EBF1: variants seen among roughly 807,000 people sequenced by gnomAD.
EBF1 encodes transcription factor COE1.
In EBF1, 10 loss-of-function variants were observed where a neutral mutation model predicts 68.4. That is an observed-to-expected ratio of 0.15 (90% CI 0.09 to 0.25). The LOEUF is 0.25. Among genes scored for constraint, EBF1 ranks in the 10% least tolerant of loss-of-function variants. The probability of loss-of-function intolerance (pLI) is 1.00; values close to 1 mark genes in which losing one functional copy is unlikely to be tolerated. For synonymous variants in EBF1, 298 were observed against 299.8 expected (o/e 0.99, Z 0.06); for missense variants, 509 against 794.4 (o/e 0.64, Z 4.32).
intron 8 of EBF1, among the ~76,000 whole-genome samples, chr5:158,821,768 T>A (rs1204201757): frequency 6.6e-6 from 1 of 152,174 alleles, no homozygotes; most frequent in Admixed American, 6.5e-5. Context: ...AGGAATGTAA[T>A]CATGAGCAGG....
Position 158,745,257 on chromosome 5 carries a change from T to G in EBF1, c.1037-14100A>C, listed in dbSNP as rs1441740770. Among the ~76,000 whole-genome samples, 5 of 152,300 alleles carry G rather than the reference T, an allele frequency of 3.3e-5. No homozygotes were observed. In the East Asian group the frequency reaches 7.7e-4, roughly 23 times the overall value. ...CAGAGTGAACATTACAATCACATAT[T>G]TGTTGCTATTAGCTCGTGAGATGGT... On this transcript the variant is annotated intron_variant, in intron 10 of 15. Coordinates refer to ENST00000313708, the MANE Select transcript of EBF1 (RefSeq NM_024007.5).
chr5:158,813,959 TAG>T (rs1291215119), intron 8 of EBF1, among the ~76,000 whole-genome samples: 1 of 152,168 alleles, frequency 6.6e-6, no homozygotes, highest in Non-Finnish European at 1.5e-5. Flanking sequence ...CAGATAAGTA[TAG>T]AGACAGCTTG....
chr5:158,920,021 TAAC>T (rs1441987581), intron 6 of EBF1, among the ~76,000 whole-genome samples: 2 of 152,138 alleles, frequency 1.3e-5, no homozygotes, highest in East Asian at 1.9e-4. Flanking sequence ...ACAATAAAAA[TAAC>T]AATAACCATG....
At chr5:158,848,140 C>T (rs963803189) in intron 6 of EBF1, among the ~76,000 whole-genome samples, 1 of 152,176 alleles carries the variant, frequency 6.6e-6, no homozygotes, top group Non-Finnish European at 1.5e-5. Flanking sequence ...GATTCTACTT[C>T]TTTTCTCATT....
At chr5:159,060,591 G>C (rs1429385851) in intron 6 of EBF1, among the ~76,000 whole-genome samples, 1 of 151,218 alleles carries the variant, frequency 6.6e-6, no homozygotes, top group African/African-American at 2.4e-5. Context: ...CTTTTTGCAT[G>C]CTTCAAAAGT....
At chr5:158,834,329 G>A (rs1387134083) in intron 7 of EBF1, among the ~76,000 whole-genome samples, 1 of 152,168 alleles carries the variant, frequency 6.6e-6, no homozygotes, top group Non-Finnish European at 1.5e-5. Context: ...TTAGTCATAA[G>A]TGAATTTCTC....
intron 6 of EBF1, among the ~76,000 whole-genome samples, chr5:158,862,927 C>T (rs1438173941): frequency 2.0e-5 from 3 of 152,206 alleles, no homozygotes; most frequent in Admixed American, 2.0e-4. Flanking sequence ...ATTCTACAGA[C>T]CCTGACTTTG....
chr5:158,954,646 T>A (rs1816691071), intron 6 of EBF1, among the ~76,000 whole-genome samples: 1 of 152,228 alleles, frequency 6.6e-6, no homozygotes, highest in Admixed American at 6.5e-5. Context: ...GTCAACCTAA[T>A]GGAGTCTGTT....
intron 6 of EBF1, among the ~76,000 whole-genome samples, chr5:158,927,413 C>T (rs1342767428): frequency 6.6e-6 from 1 of 152,196 alleles, no homozygotes; most frequent in Non-Finnish European, 1.5e-5. Flanking sequence ...GAGCCCCAAA[C>T]AGTGCCTGAA....
chr5:158,831,381 G>T (rs949540425), intron 7 of EBF1, among the ~76,000 whole-genome samples: 1 of 152,096 alleles, frequency 6.6e-6, no homozygotes, highest in Non-Finnish European at 1.5e-5. Context: ...AGGAATACGT[G>T]GTGAGCCCAC....
chr5:158,987,672 C>T (rs1759366910), intron 6 of EBF1, among the ~76,000 whole-genome samples: 1 of 152,140 alleles, frequency 6.6e-6, no homozygotes, highest in African/African-American at 2.4e-5. Flanking sequence ...AAAGTAGAAG[C>T]ATTACATGTG....
chr5:158,860,596 C>G (rs1268440753), intron 6 of EBF1, among the ~76,000 whole-genome samples: 1 of 152,140 alleles, frequency 6.6e-6, no homozygotes, highest in Admixed American at 6.5e-5. Flanking sequence ...TGCCACTGAG[C>G]CCTTTTCACT....
chr5:158,742,948 A>G (rs1766738914), intron 10 of EBF1, among the ~76,000 whole-genome samples: 1 of 152,230 alleles, frequency 6.6e-6, no homozygotes, highest in Admixed American at 6.5e-5. Flanking sequence ...GGCTTGCTGT[A>G]TACAAGGCCC....
intron 6 of EBF1, among the ~76,000 whole-genome samples, chr5:158,875,107 T>C (rs948370078): frequency 6.7e-6 from 1 of 150,136 alleles, no homozygotes; most frequent in Non-Finnish European, 1.5e-5. Context: ...TTTGGCCAAA[T>C]TGTATTTCCA....
chr5:158,796,287 T>C (rs1170496480), intron 9 of EBF1, 58 bp downstream of exon 9: 88 of 1,535,784 alleles, frequency 5.7e-5, no homozygotes, highest in Non-Finnish European at 7.3e-5. Context: ...AATTCAAGTA[T>C]AGACAGTATC....
chr5:159,038,767 C>A (rs1770605325), intron 6 of EBF1, among the ~76,000 whole-genome samples: 1 of 152,158 alleles, frequency 6.6e-6, no homozygotes, highest in South Asian at 2.1e-4. Context: ...AGTGTCTGAG[C>A]ACCTAATTGC....
intron 6 of EBF1, among the ~76,000 whole-genome samples, chr5:158,927,671 G>A (rs543358206): frequency 4.6e-5 from 7 of 152,234 alleles, no homozygotes; most frequent in Admixed American, 1.3e-4. Context: ...CCCAGAGGCC[G>A]TCTGCACCCA....
intron 6 of EBF1, among the ~76,000 whole-genome samples, chr5:158,929,461 A>G (rs1810382767): frequency 6.6e-6 from 1 of 152,222 alleles, no homozygotes; most frequent in Non-Finnish European, 1.5e-5. Flanking sequence ...TCCCTAAAGA[A>G]CTAAGTACTT....
At chr5:158,810,389 T>A (rs1416256064) in intron 8 of EBF1, among the ~76,000 whole-genome samples, 2 of 152,194 alleles carry the variant, frequency 1.3e-5, no homozygotes, top group African/African-American at 2.4e-5. Flanking sequence ...ACCAACTACG[T>A]TCATTTTAAT....
Sources: allele counts gnomAD v4.1 joint callset (sites outside exome capture counted in the v4.1 genomes callset), GRCh38; gene constraint gnomAD v4.1.1; transcripts MANE v1.5; gene names NCBI Gene and HGNC (gene_info 2026-07-23, HGNC 2026-07-21).